Variants in PLK5 observed in about 807,000 individuals in gnomAD.
The protein encoded by PLK5 is inactive serine/threonine-protein kinase PLK5.
In PLK5, 28 loss-of-function variants were observed where a neutral mutation model predicts 33.7. The observed-to-expected ratio is 0.83, with a 90% CI of 0.62 to 1.14. PLK5 has a LOEUF of 1.14. PLK5 is among the 50% of genes most tolerant of loss of function. The probability of loss-of-function intolerance (pLI) is 0.00; values close to 1 mark genes in which losing one functional copy is unlikely to be tolerated. For missense variants in PLK5, 492 were observed against 461.5 expected (o/e 1.07, Z -0.61); for synonymous variants, 225 against 202.2 (o/e 1.11, Z -0.96).
Position 1,526,915 on chromosome 19 carries a change from G to A in PLK5, c.-82G>A. The A allele has an allele frequency of 2.7e-6, 4 of 1,489,026 alleles. No individual in the cohort carries two copies. Among genetic ancestry groups the A allele is most frequent in the Non-Finnish European group, 1.8e-6 (2 of 1,104,414 alleles). 92.2% of individuals were successfully genotyped at this position (1,489,026 alleles called of 1,614,324 possible). The stretch of plus-strand genomic sequence containing the variant: ...ACGCCCTTCCTAGAGTACTCTGTGG[G>A]ACCCCTAACTTCCTGGACCCTGAGG... On this transcript the variant is annotated 5_prime_UTR_variant, in exon 6 of 14. Transcript: ENST00000454744.
In PLK5 at chr19:1,524,970, T is replaced by G. The variant is rs187005990; in HGVS notation, c.-543-335T>G. 2 of 152,644 alleles carry G rather than the reference T, an allele frequency of 1.3e-5. No homozygotes were observed. The highest frequency in any genetic ancestry group is 4.8e-5 in the African/African-American group (2 of 41,354). 9.5% of individuals were successfully genotyped at this position (152,644 alleles called of 1,614,324 possible). On this transcript the variant is annotated intron_variant, in intron 1 of 13. Transcript: ENST00000454744. This position sits in a 1 kb window ranked among gnomAD's most constrained non-coding sequence, Gnocchi z 4.5. ...CTGCGTTGTGTATCTGGGTGTTGTG[T>G]TGTGTGTCCATGCATGGTGACTCTG...
rs1214995429 is a variant in PLK5 at position 1,531,252 on chromosome 19, C to T, written c.569-486C>T. On this transcript the variant is annotated intron_variant, in intron 11 of 13. Transcript: ENST00000454744. ...GGTGAAACCCCATCTCTACTAATAA[C>T]ACAAAAATTAGCTGGGTGTGGTGGC... 2.0e-5 allele frequency among the ~76,000 whole-genome samples: 3 copies of T among 151,650 alleles called. No homozygotes were observed. The East Asian group carries it at 5.9e-4, about 30-fold the overall frequency.
intron 12 of PLK5, among the ~76,000 whole-genome samples, chr19:1,532,449 G>C (rs1599307153): frequency 6.6e-6 from 1 of 151,904 alleles, no homozygotes; most frequent in Non-Finnish European, 1.5e-5. Context: ...TGAGGTGGGA[G>C]AATCACTTGA....
chr19:1,529,696 CTGG>C (rs1322046399), intron 10 of PLK5, 48 bp from the exon 11 acceptor site: 44 of 1,519,534 alleles, frequency 2.9e-5, no homozygotes, highest in Admixed American at 3.9e-5. Flanking sequence ...TTGGAAGAGC[CTGG>C]TGGTGGGAAC....
At chr19:1,525,974 G>T (rs1228919026) in intron 3 of PLK5, among the ~76,000 whole-genome samples, 1 of 151,980 alleles carries the variant, frequency 6.6e-6, no homozygotes, top group African/African-American at 2.4e-5. Flanking sequence ...TGACCGCCTG[G>T]GCCCATCAGA....
rs556925326 is a variant in PLK5, at chr19:1,533,566, A to C, written c.715-365A>C. ...GGTGGACCAGCTGTCAGCTGAGGTG[A>C]AGAGAGGACAGAGAGCCGCACTGGG... On this transcript the variant is annotated intron_variant, in intron 12 of 13. Coordinates refer to ENST00000454744, the MANE Select transcript of PLK5 (RefSeq NM_001243079.2). 4.2e-4 allele frequency among the ~76,000 whole-genome samples: 64 copies of C among 152,142 alleles called. No homozygotes were observed. In the South Asian group the frequency reaches 0.013, roughly 31 times the overall value.
intron 12 of PLK5, among the ~76,000 whole-genome samples, chr19:1,532,347 T>C (rs1913955283): frequency 6.6e-6 from 1 of 151,962 alleles, no homozygotes; most frequent in Non-Finnish European, 1.5e-5. Flanking sequence ...GAGATCAGCC[T>C]TGGCCTCATA....
intron 12 of PLK5, among the ~76,000 whole-genome samples, chr19:1,533,387 G>A (rs891988079): frequency 2.6e-5 from 4 of 152,154 alleles, no homozygotes; most frequent in Admixed American, 6.6e-5. Flanking sequence ...CACCGCGCCC[G>A]GCCTTAACAC....
At chr19:1,533,872 G>C (rs1914005886) in intron 12 of PLK5, 59 bp from the exon 13 acceptor site, 7 of 1,380,452 alleles carry the variant, frequency 5.1e-6, no homozygotes, top group Non-Finnish European at 6.9e-6. Context: ...TGCTGGGTGT[G>C]GGGGCGAGGG....
Position 1,529,469 on chromosome 19 carries a change from A to T in PLK5, c.469A>T (p.Thr157Ser). 6.5e-7 allele frequency: 1 copy of T among 1,535,924 alleles called. No homozygotes were observed. The highest frequency in any genetic ancestry group is 2.4e-5 in the East Asian group (1 of 40,904). Residue 157 changes from threonine to serine, a missense_variant, in exon 10 of 14, where the codon ACC (threonine) becomes TCC (serine). Transcript: ENST00000454744. ...CCCCATCCACCTGGTCGCACAAGGG[A>T]CCCTGCAGAGTGACCTGGCCGGTGA... ...EGPIHLVAQG[T>S]LQSDLAGPEG...
chr19:1,527,102 C>G, intron 6 of PLK5, 104 bp downstream of exon 6: 2 of 1,240,290 alleles, frequency 1.6e-6, no homozygotes, highest in Non-Finnish European at 1.1e-6. Context: ...CAGGGTGGGG[C>G]GCGTGGAACA....
At chr19:1,528,237 G>A in intron 7 of PLK5, 65 bp from the exon 8 acceptor site, 2 of 1,535,346 alleles carry the variant, frequency 1.3e-6, no homozygotes, top group Non-Finnish European at 1.7e-6. Context: ...CCCTGTCCCA[G>A]GTAACCCAGG....
intron 12 of PLK5, 114 bp downstream of exon 12, chr19:1,531,997 C>T (rs1036540469): frequency 8.3e-7 from 1 of 1,209,130 alleles, no homozygotes; most frequent in Non-Finnish European, 1.1e-6. Flanking sequence ...TGCTCCCTGC[C>T]TGGTCGGGGA....
chr19:1,528,003 C>T lies in PLK5; in HGVS notation c.70C>T (p.Arg24Cys), dbSNP rs773279059. ...SPLSEMYQNI[R>C]EGHYPEPAHL... Reference sequence around the variant, plus strand: ...CCTGTCGGAGATGTACCAAAACATCCGTGAGGGCCACTACCCCGAACCCGC... The same window carrying T: ...CCTGTCGGAGATGTACCAAAACATCTGTGAGGGCCACTACCCCGAACCCGC... Residue 24 changes from arginine to cysteine, a missense_variant, in exon 7 of 14, where the codon CGT (arginine) becomes TGT (cysteine). Arg to Cys is a radical substitution (Grantham distance 180). Coordinates refer to ENST00000454744, the MANE Select transcript of PLK5 (RefSeq NM_001243079.2). 3.9e-6 allele frequency: 6 copies of T among 1,536,128 alleles called. No individual in the cohort carries two copies. Among genetic ancestry groups the T allele is most frequent in the East Asian group, 2.4e-5 (1 of 40,918 alleles).
At chr19:1,533,392 TAACAC>T (rs1913990455) in intron 12 of PLK5, among the ~76,000 whole-genome samples, 1 of 152,076 alleles carries the variant, frequency 6.6e-6, no homozygotes, top group Non-Finnish European at 1.5e-5. Context: ...CGCCCGGCCT[TAACAC>T]AATCTTTCTA....
intron 13 of PLK5, among the ~76,000 whole-genome samples, chr19:1,534,660 A>C (rs775549398): frequency 0.24 from 36,154 of 148,520 alleles, 5,152 homozygotes; most frequent in East Asian, 0.64. Context: ...AAAAAAAAAA[A>C]AAAAAAATTA....
At chr19:1,532,340 A>G (rs1264144040) in intron 12 of PLK5, among the ~76,000 whole-genome samples, 1 of 151,938 alleles carries the variant, frequency 6.6e-6, no homozygotes, top group Non-Finnish European at 1.5e-5. Context: ...GCAGTTTGAG[A>G]TCAGCCTTGG....
chr19:1,530,966 C>T (rs774406674), intron 11 of PLK5, among the ~76,000 whole-genome samples: 41 of 152,150 alleles, frequency 2.7e-4, no homozygotes, highest in Middle Eastern at 6.8e-3. Context: ...GTGGTGCATG[C>T]ATGTTGTCCC....
rs1913695741 is a variant in PLK5 at position 1,524,976 on chromosome 19, G to C, written c.-543-329G>C. The C allele has an allele frequency of 6.6e-6, 1 of 152,088 alleles. No homozygotes were observed. The highest frequency in any genetic ancestry group is 6.6e-5 in the Admixed American group (1 of 15,090). The allele number at this position is 152,088 out of a possible 1,614,324, so 9.4% of individuals were successfully genotyped here. On this transcript the variant is annotated intron_variant, in intron 1 of 13. Transcript: ENST00000454744. This position sits in a 1 kb window ranked among gnomAD's most constrained non-coding sequence, Gnocchi z 4.5. ...TGTGTATCTGGGTGTTGTGTTGTGT[G>C]TCCATGCATGGTGACTCTGTGTCTG...
Sources: allele counts gnomAD v4.1 joint callset (sites outside exome capture counted in the v4.1 genomes callset), GRCh38; gene constraint gnomAD v4.1.1; non-coding constraint Gnocchi (gnomAD v3.1); transcripts MANE v1.5; gene names NCBI Gene and HGNC (gene_info 2026-07-23, HGNC 2026-07-21).